The following RGS7 variants were observed in gnomAD, a reference collection of about 807,000 sequenced individuals.
RGS7 encodes regulator of G-protein signaling 7.
A neutral mutation model predicts 81.1 loss-of-function variants in RGS7; 27 were observed. The observed-to-expected ratio is 0.33, with a 90% CI of 0.25 to 0.46. The LOEUF (loss-of-function observed/expected upper bound fraction) is 0.46. RGS7 is among the 20% of genes least tolerant of loss of function. The probability of loss-of-function intolerance (pLI) is 1.00; values close to 1 mark genes in which losing one functional copy is unlikely to be tolerated. For synonymous variants in RGS7, 208 were observed against 207.7 expected (o/e 1.00, Z -0.01); for missense variants, 396 against 607.4 (o/e 0.65, Z 3.66).
chr1:241,238,392 A>G (rs76876589), intron 2 of RGS7, among the ~76,000 whole-genome samples: 4,936 of 152,276 alleles, frequency 0.032, 273 homozygotes, highest in African/African-American at 0.11. Context: ...AGTCCTGCTA[A>G]CCGAGGACCA....
intron 4 of RGS7, among the ~76,000 whole-genome samples, chr1:240,949,641 A>G (rs1010835535): frequency 2.0e-5 from 3 of 152,108 alleles, no homozygotes; most frequent in South Asian, 2.1e-4. Context: ...CGAGGTCAGG[A>G]GTTTGAGATG....
intron 6 of RGS7, among the ~76,000 whole-genome samples, chr1:240,896,744 T>C (rs1305952474): frequency 6.6e-6 from 1 of 152,220 alleles, no homozygotes; most frequent in Non-Finnish European, 1.5e-5. Flanking sequence ...TTCTTTTGGC[T>C]TAGGATTGTT....
intron 2 of RGS7, among the ~76,000 whole-genome samples, chr1:241,333,322 G>A (rs1335488530): frequency 1.3e-5 from 2 of 152,166 alleles, no homozygotes; most frequent in African/African-American, 4.8e-5. Context: ...AATCTGCCAT[G>A]GGGAATCTAG....
intron 2 of RGS7, among the ~76,000 whole-genome samples, chr1:241,186,080 T>C (rs1351203190): frequency 2.0e-5 from 3 of 152,096 alleles, no homozygotes; most frequent in Non-Finnish European, 4.4e-5. Context: ...TCTAGCCAGA[T>C]TGACCAAGAT....
At chr1:241,299,820 T>TA (rs10716646) in intron 2 of RGS7, among the ~76,000 whole-genome samples, 1 of 143,374 alleles carries the variant, frequency 7.0e-6, no homozygotes, top group African/African-American at 2.6e-5. Context: ...ATTAGGCCTT[T>TA]AAAAAAAAAA....
chr1:241,315,882 A>G (rs926696872), intron 2 of RGS7, among the ~76,000 whole-genome samples: 2 of 152,142 alleles, frequency 1.3e-5, no homozygotes, highest in African/African-American at 4.8e-5. Context: ...TTCTACACAT[A>G]TATTATTAGG....
intron 3 of RGS7, among the ~76,000 whole-genome samples, chr1:241,025,396 T>A (rs968648925): frequency 6.6e-6 from 1 of 152,208 alleles, no homozygotes; most frequent in Non-Finnish European, 1.5e-5. Flanking sequence ...ATTTTAGATA[T>A]TATCATTATC....
Position 240,775,880 on chromosome 1 carries a change from A to AG in RGS7, c.*339_*340insC. 2.6e-6 allele frequency: 1 copy of AG among 380,298 alleles called. No individual in the cohort carries two copies. The highest frequency in any genetic ancestry group is 3.1e-5 in the South Asian group (1 of 32,210). The allele number at this position is 380,298 out of a possible 1,614,324, so 23.6% of individuals were successfully genotyped here. On this transcript the variant is annotated 3_prime_UTR_variant, in exon 19 of 19. Coordinates refer to ENST00000440928, the MANE Select transcript of RGS7 (RefSeq NM_001364886.1). ...GAAGCTTTGAGAGAGAGAGAGAGAGAAAGAAGGAAAAAAAGAAAAGGTTTT... is the reference window on the plus strand; with the variant it reads ...GAAGCTTTGAGAGAGAGAGAGAGAGAGAAGAAGGAAAAAAAGAAAAGGTTTT...
chr1:241,216,555 T>C (rs2074570227), intron 2 of RGS7, among the ~76,000 whole-genome samples: 1 of 152,164 alleles, frequency 6.6e-6, no homozygotes, highest in Admixed American at 6.5e-5. Context: ...TAAGAAAATA[T>C]ATGGTTTTCT....
At chr1:240,864,306 A>C (rs1396022989) in intron 9 of RGS7, among the ~76,000 whole-genome samples, 1 of 152,152 alleles carries the variant, frequency 6.6e-6, no homozygotes, top group Non-Finnish European at 1.5e-5. Flanking sequence ...CATATTATGG[A>C]AGGGTGGCAA....
chr1:241,090,119 T>C (rs2815843), intron 3 of RGS7, among the ~76,000 whole-genome samples: 70,561 of 151,814 alleles, frequency 0.46, 19,183 homozygotes, highest in African/African-American at 0.76. Context: ...GTTTGCAATT[T>C]GAAAATAGTA....
At chr1:241,323,731 T>C (rs2081335916) in intron 2 of RGS7, among the ~76,000 whole-genome samples, 1 of 152,218 alleles carries the variant, frequency 6.6e-6, no homozygotes, top group Non-Finnish European at 1.5e-5. Flanking sequence ...CCTGATACCC[T>C]GAGGTTCTGA....
At position 240,806,268 on chromosome 1, in the gene RGS7, C is replaced by T; in HGVS notation, c.1141G>A (p.Val381Ile). 6.2e-7 allele frequency: 1 copy of T among 1,614,042 alleles called. No homozygotes were observed. Among genetic ancestry groups the T allele is most frequent in the Non-Finnish European group, 8.5e-7 (1 of 1,179,962 alleles). The stretch of plus-strand genomic sequence containing the variant: ...AGAAACTCTTGCCATATTTCCTGAA[C>T]TCTTGAGGGTACTTCTTTAATAGGC... ...KRPIKEVPSR[V>I]QEIWQEFLAP... is the part of the protein sequence containing the mutation. Residue 381 changes from valine (V) to isoleucine (I), a missense_variant, in exon 15 of 19, where the codon GTT (valine) becomes ATT (isoleucine). Transcript: ENST00000440928.
chr1:240,960,254 T>A (rs1474926556), intron 4 of RGS7, among the ~76,000 whole-genome samples: 1 of 134,200 alleles, frequency 7.5e-6, no homozygotes, highest in Non-Finnish European at 1.6e-5. Context: ...GTTGTTGGGG[T>A]TTTTTTTGAG....
At chr1:240,977,519 G>A (rs1255747603) in intron 4 of RGS7, among the ~76,000 whole-genome samples, 1 of 152,204 alleles carries the variant, frequency 6.6e-6, no homozygotes, top group Admixed American at 6.5e-5. Context: ...GCAACATGAA[G>A]TTTAACTATC....
intron 5 of RGS7, among the ~76,000 whole-genome samples, chr1:240,934,928 G>A (rs534185712): frequency 5.1e-5 from 6 of 117,388 alleles, no homozygotes; most frequent in South Asian, 2.7e-4. Flanking sequence ...TCGCTCTGTC[G>A]CCCAGGCTGG....
At chr1:240,945,453 A>G (rs1026496668) in intron 4 of RGS7, among the ~76,000 whole-genome samples, 6 of 152,250 alleles carry the variant, frequency 3.9e-5, no homozygotes, top group African/African-American at 1.4e-4. Flanking sequence ...GGATTAGCCA[A>G]TAACACATCC....
rs936508781 is a variant in RGS7, at chr1:241,144,049, CATG to C, written c.79-45290_79-45288del. On this transcript the variant is annotated intron_variant, in intron 2 of 18. Transcript: ENST00000440928. This position sits in a 1 kb window ranked among gnomAD's most constrained non-coding sequence, Gnocchi z 4.7. The stretch of plus-strand genomic sequence containing the variant: ...TCTATTGTGTATAAGCCACTCAGCC[CATG>C]ATATTTTCTTATAGCCGCCTGAGTG... Among the ~76,000 whole-genome samples, 3 of 152,044 alleles carry C rather than the reference CATG, an allele frequency of 2.0e-5. No individual in the cohort carries two copies. Among genetic ancestry groups the C allele is most frequent in the African/African-American group, 7.2e-5 (3 of 41,386 alleles).
intron 4 of RGS7, among the ~76,000 whole-genome samples, chr1:240,944,274 GTGTGTGTGTATATATATA>G (rs1366869411): frequency 2.3e-3 from 43 of 18,816 alleles, no homozygotes; most frequent in African/African-American, 5.3e-3. Flanking sequence ...GTGTGTGTGT[GTGTGTGTGTATATATATA>G]TATATATATA....
Sources: allele counts gnomAD v4.1 joint callset (sites outside exome capture counted in the v4.1 genomes callset), GRCh38; gene constraint gnomAD v4.1.1; non-coding constraint Gnocchi (gnomAD v3.1); transcripts MANE v1.5; gene names NCBI Gene and HGNC (gene_info 2026-07-23, HGNC 2026-07-21).